Variants in SLC25A48 observed in about 807,000 individuals in gnomAD.
SLC25A48 encodes the protein solute carrier family 25 member 48, also known as CTC-321K16.1.
In SLC25A48, 29 loss-of-function variants were observed where a neutral mutation model predicts 32.2. The observed-to-expected ratio is 0.90, with a 90% CI of 0.67 to 1.23. The LOEUF is 1.23. Ranked by LOEUF, SLC25A48 falls within the 50% of genes most tolerant of loss-of-function variation. The pLI is 0.00. For synonymous variants in SLC25A48, 164 were observed against 172.3 expected, an observed-to-expected ratio of 0.95 and a Z score of 0.38; for missense variants, 399 against 422.7, an observed-to-expected ratio of 0.94 and a Z score of 0.49.
chr5:135,643,725 C>T (rs1308168135), intron 3 of SLC25A48, among the ~76,000 whole-genome samples: 1 of 152,176 alleles, frequency 6.6e-6, no homozygotes, highest in Non-Finnish European at 1.5e-5. Context: ...GGGGAGCTCC[C>T]AGGTTAGTGA....
intron 1 of SLC25A48, among the ~76,000 whole-genome samples, chr5:135,597,970 C>T (rs1161102986): frequency 2.0e-5 from 3 of 152,024 alleles, no homozygotes; most frequent in Non-Finnish European, 2.9e-5. Flanking sequence ...TGCCACTGCA[C>T]TTCAGCCTGG....
intron 3 of SLC25A48, among the ~76,000 whole-genome samples, chr5:135,693,418 G>A (rs762305759): frequency 6.6e-6 from 1 of 152,248 alleles, no homozygotes; most frequent in Non-Finnish European, 1.5e-5. Context: ...GGAATATGGG[G>A]ACTGGTTCTG....
chr5:135,773,051 T>C (rs1756455278), intron 3 of SLC25A48, among the ~76,000 whole-genome samples: 1 of 150,676 alleles, frequency 6.6e-6, no homozygotes, highest in African/African-American at 2.4e-5. Context: ...CCCGGTAATA[T>C]TGTTTGTAAT....
intron 3 of SLC25A48, among the ~76,000 whole-genome samples, chr5:135,641,208 G>T (rs1377025315): frequency 2.0e-5 from 3 of 152,176 alleles, no homozygotes; most frequent in African/African-American, 4.8e-5. Flanking sequence ...TGTCAGGTTG[G>T]CAGTTCGATT....
intron 1 of SLC25A48, among the ~76,000 whole-genome samples, chr5:135,590,195 C>T (rs1289178027): frequency 6.6e-6 from 1 of 152,190 alleles, no homozygotes; most frequent in African/African-American, 2.4e-5. Context: ...ATAGGGCTTT[C>T]CTGGTGCATA....
At chr5:135,701,113 T>A (rs1754385913) in intron 3 of SLC25A48, among the ~76,000 whole-genome samples, 1 of 152,154 alleles carries the variant, frequency 6.6e-6, no homozygotes, top group Non-Finnish European at 1.5e-5. Flanking sequence ...CCAGTAGTAA[T>A]GGGCCGAGTA....
intron 3 of SLC25A48, among the ~76,000 whole-genome samples, chr5:135,663,120 C>A (rs1753443287): frequency 1.3e-5 from 2 of 152,192 alleles, no homozygotes; most frequent in Admixed American, 1.3e-4. Context: ...GGAATTTTTC[C>A]ATGACATATC....
chr5:135,734,951 C>T (rs899221903), intron 3 of SLC25A48, among the ~76,000 whole-genome samples: 6 of 152,184 alleles, frequency 3.9e-5, no homozygotes, highest in Non-Finnish European at 7.3e-5. Context: ...GCCGCTAAGC[C>T]GAGAAGATCT....
At chr5:135,790,051 T>A (rs1756983843) in intron 3 of SLC25A48, among the ~76,000 whole-genome samples, 1 of 151,896 alleles carries the variant, frequency 6.6e-6, no homozygotes. Context: ...ATATTAGTAA[T>A]AATATAACTG....
chr5:135,616,348 G>T (rs1195980640), intron 1 of SLC25A48, among the ~76,000 whole-genome samples: 1 of 152,200 alleles, frequency 6.6e-6, no homozygotes. Context: ...CATGGACACT[G>T]AGCCCTGCAG....
chr5:135,703,336 A>G (rs1754434870), intron 3 of SLC25A48, among the ~76,000 whole-genome samples: 1 of 152,116 alleles, frequency 6.6e-6, no homozygotes, highest in South Asian at 2.1e-4. Context: ...CTCAGAGACA[A>G]CCCCACACGG....
At chr5:135,813,758 C>T (rs367723416) in intron 4 of SLC25A48, among the ~76,000 whole-genome samples, 179 of 152,146 alleles carry the variant, frequency 1.2e-3, no homozygotes, top group Middle Eastern at 0.01. Context: ...AAATCCTGGG[C>T]GGGAGGAAGA....
intron 3 of SLC25A48, among the ~76,000 whole-genome samples, chr5:135,659,990 A>T (rs1580763234): frequency 1.3e-5 from 2 of 152,226 alleles, no homozygotes; most frequent in Admixed American, 6.5e-5. Context: ...GAGGCAAACC[A>T]TAACAGTGTT....
At chr5:135,713,766 T>G (rs1053618061) in intron 3 of SLC25A48, among the ~76,000 whole-genome samples, 4 of 152,228 alleles carry the variant, frequency 2.6e-5, no homozygotes, top group African/African-American at 9.6e-5. Context: ...TTGTGTGGAA[T>G]GACACTCCTA....
chr5:135,620,302 G>A (rs968746995), intron 1 of SLC25A48, among the ~76,000 whole-genome samples: 3 of 152,146 alleles, frequency 2.0e-5, no homozygotes, highest in African/African-American at 4.8e-5. Context: ...CCCCTGGATG[G>A]TATGCTTGGG....
rs185619690 is a variant in SLC25A48, at chr5:135,751,159, A to G, written c.-520-61364A>G. Reference sequence around the variant, plus strand: ...ACTAGCTAAATGCTGATTGTTTGACACTGCTGAATTTGGGGTGGCTATAGA... The same window carrying G: ...ACTAGCTAAATGCTGATTGTTTGACGCTGCTGAATTTGGGGTGGCTATAGA... On this transcript the variant is annotated intron_variant, in intron 3 of 10. Transcript: ENST00000646290. Among the ~76,000 whole-genome samples the G allele has an allele frequency of 1.6e-4, 25 of 152,282 alleles. No homozygotes were observed. The East Asian group carries it at 4.8e-3, about 29-fold the overall frequency.
chr5:135,797,793 A>G (rs1304998978), intron 3 of SLC25A48, among the ~76,000 whole-genome samples: 2 of 151,816 alleles, frequency 1.3e-5, no homozygotes, highest in Non-Finnish European at 2.9e-5. Flanking sequence ...CAGGGGATGT[A>G]CACCAGCCCT....
At chr5:135,651,343 C>G (rs76365651) in intron 3 of SLC25A48, among the ~76,000 whole-genome samples, 3,566 of 152,310 alleles carry the variant, frequency 0.023, 147 homozygotes, top group African/African-American at 0.081. Flanking sequence ...TGGAATGCCA[C>G]ACTCATCCTT....
intron 1 of SLC25A48, among the ~76,000 whole-genome samples, chr5:135,589,815 C>T (rs1410730343): frequency 6.6e-6 from 1 of 152,166 alleles, no homozygotes; most frequent in Non-Finnish European, 1.5e-5. Flanking sequence ...CTGCTTCAGC[C>T]TCCCGAGTAG....
Sources: allele counts gnomAD v4.1 joint callset (sites outside exome capture counted in the v4.1 genomes callset), GRCh38; gene constraint gnomAD v4.1.1; transcripts MANE v1.5; gene names NCBI Gene and HGNC (gene_info 2026-07-23, HGNC 2026-07-21).